Variants in SUMO2 observed in about 807,000 individuals in gnomAD.
The protein encoded by SUMO2 is small ubiquitin-related modifier 2.
A neutral mutation model predicts 16.0 loss-of-function variants in SUMO2; 1 was observed. The ratio of observed to expected loss-of-function variants is 0.06; its 90% CI spans 0.02 to 0.30. The LOEUF is 0.30. Among genes scored for constraint, SUMO2 ranks in the 10% least tolerant of loss-of-function variants. The pLI is 1.00. For synonymous variants in SUMO2, 36 were observed against 40.6 expected, an observed-to-expected ratio of 0.89 and a Z score of 0.43; for missense variants, 16 against 117.5, an observed-to-expected ratio of 0.14 and a Z score of 3.99.
At chr17:75,181,942 C>T (rs1159391009) in intron 1 of SUMO2, among the ~76,000 whole-genome samples, 1 of 151,988 alleles carries the variant, frequency 6.6e-6, no homozygotes, top group Non-Finnish European at 1.5e-5. Flanking sequence ...AATTCTGTAG[C>T]CCTAAAACGC....
intron 1 of SUMO2, among the ~76,000 whole-genome samples, chr17:75,182,105 C>T (rs891080845): frequency 1.3e-5 from 2 of 152,174 alleles, no homozygotes; most frequent in African/African-American, 2.4e-5. Flanking sequence ...CAAAGTCTCT[C>T]TGCTCGTACC....
rs2074704976 is a variant in SUMO2, at chr17:75,167,929, G to C, written c.*410C>G. The C allele has an allele frequency of 6.3e-6, 1 of 159,440 alleles. No individual in the cohort carries two copies. Among genetic ancestry groups the C allele is most frequent in the South Asian group, 2.1e-4 (1 of 4,834 alleles). 9.9% of individuals were successfully genotyped at this position (159,440 alleles called of 1,614,324 possible). On this transcript the variant is annotated 3_prime_UTR_variant, in exon 4 of 4. Transcript: ENST00000420826. ...TGAAAAACATTAAAATTCTCCAATT[G>C]AACAAGGTATGCAAGGATTTTTATG... is the stretch of plus-strand genomic sequence containing the variant.
chr17:75,182,928 G>C lies in SUMO2; in HGVS notation c.-94C>G, dbSNP rs1037417160. 8.9e-7 allele frequency: 1 copy of C among 1,119,200 alleles called. No individual in the cohort carries two copies. Among genetic ancestry groups the C allele is most frequent in the Non-Finnish European group, 1.2e-6 (1 of 866,060 alleles). The allele number at this position is 1,119,200 out of a possible 1,614,324, so 69.3% of individuals were successfully genotyped here. A position where few individuals can be genotyped will look rare whatever the true frequency, so the allele number is the denominator to read the frequency against. On this transcript the variant is annotated 5_prime_UTR_variant, in exon 1 of 4. Transcript: ENST00000420826. ...ACAAGCAGCACCAGGAGCGGCAGAA[G>C]AAGGAGGCGGCAGCGGTGGACGAGG... is the stretch of plus-strand genomic sequence containing the variant.
rs531310995 is a variant in SUMO2, at chr17:75,175,677, G to C, written c.154-854C>G. Among the ~76,000 whole-genome samples, 16 of 152,086 alleles carry C rather than the reference G, an allele frequency of 1.1e-4. No homozygotes were observed. The South Asian group carries it at 3.3e-3, about 32-fold the overall frequency. ...AGACAGAGTTTTGCTATGTCGCCCA[G>C]GCTGGAGTGCAGTGGTGCGATCTTG... On this transcript the variant is annotated intron_variant, in intron 2 of 3. Transcript: ENST00000420826.
chr17:75,174,533 A>G (rs1296125078), intron 3 of SUMO2, among the ~76,000 whole-genome samples: 1 of 152,204 alleles, frequency 6.6e-6, no homozygotes, highest in African/African-American at 2.4e-5. Flanking sequence ...CTGTCCCTAA[A>G]AAAATAATTA....
chr17:75,177,693 A>G (rs1356363323), intron 2 of SUMO2, among the ~76,000 whole-genome samples: 1 of 151,578 alleles, frequency 6.6e-6, no homozygotes, highest in African/African-American at 2.4e-5. Flanking sequence ...AAAAAAAAAA[A>G]GAAAAGAAAA....
chr17:75,166,651 C>G lies in SUMO2; in HGVS notation c.*1688G>C, dbSNP rs2074695488. ...AAAATACAAGAATTAGCTGTGGTGG[C>G]ATGCACCTGCGGTTCTAGCTACTCA... is the stretch of plus-strand genomic sequence containing the variant. On this transcript the variant is annotated 3_prime_UTR_variant, in exon 4 of 4. Transcript: ENST00000420826. The G allele has an allele frequency of 6.6e-6, 1 of 152,180 alleles. No homozygotes were observed. The highest frequency in any genetic ancestry group is 2.4e-5 in the African/African-American group (1 of 41,418). The allele number at this position is 152,180 out of a possible 1,614,324, so 9.4% of individuals were successfully genotyped here.
intron 2 of SUMO2, among the ~76,000 whole-genome samples, chr17:75,178,690 A>G (rs917165755): frequency 6.6e-6 from 1 of 151,976 alleles, no homozygotes; most frequent in African/African-American, 2.4e-5. Context: ...CACCTCTGTC[A>G]CTGAAATAGC....
chr17:75,178,843 G>T (rs2074804812), intron 2 of SUMO2, among the ~76,000 whole-genome samples: 1 of 150,810 alleles, frequency 6.6e-6, no homozygotes, highest in African/African-American at 2.4e-5. Flanking sequence ...TAATCCCAGT[G>T]ACTTGGGAGG....
chr17:75,180,995 C>T (rs1039393026), intron 2 of SUMO2, 62 bp downstream of exon 2: 2 of 1,596,016 alleles, frequency 1.3e-6, no homozygotes, highest in Non-Finnish European at 1.7e-6. Context: ...TTTTTGTTCC[C>T]ATGAAAATAA....
At chr17:75,181,524 C>T (rs1439792784) in intron 1 of SUMO2, among the ~76,000 whole-genome samples, 2 of 152,032 alleles carry the variant, frequency 1.3e-5, no homozygotes, top group Non-Finnish European at 2.9e-5. Flanking sequence ...ACTTTACCCC[C>T]CAAAAAAGTT....
intron 2 of SUMO2, among the ~76,000 whole-genome samples, chr17:75,175,973 A>C (rs1248465394): frequency 2.0e-5 from 3 of 152,080 alleles, no homozygotes; most frequent in Non-Finnish European, 4.4e-5. Context: ...CTTTTCAGAC[A>C]CAGCTACTAT....
At chr17:75,174,666 C>A (rs2074767875) in intron 3 of SUMO2, 86 bp downstream of exon 3, 2 of 1,260,602 alleles carry the variant, frequency 1.6e-6, no homozygotes, top group Non-Finnish European at 2.3e-6. Flanking sequence ...AACTTATACT[C>A]CAGTGTCTAA....
intron 3 of SUMO2, among the ~76,000 whole-genome samples, chr17:75,173,492 T>TGA (rs56335300): frequency 3.3e-5 from 5 of 151,728 alleles, no homozygotes; most frequent in Non-Finnish European, 7.4e-5. Context: ...TTTTTTTTTT[T>TGA]GAGAGAGGGC....
chr17:75,168,076 T>C lies in SUMO2; in HGVS notation c.*263A>G. 1 of 318,732 alleles carries C rather than the reference T, an allele frequency of 3.1e-6. No homozygotes were observed. Among genetic ancestry groups the C allele is most frequent in the East Asian group, 5.1e-5 (1 of 19,438 alleles). 19.7% of individuals were successfully genotyped at this position (318,732 alleles called of 1,614,324 possible). ...GGGTATTTTCACAGAATCAGTATTT[T>C]TCCCCATCCCGTCTCCACTTGATGT... is the stretch of plus-strand genomic sequence containing the variant. On this transcript the variant is annotated 3_prime_UTR_variant, in exon 4 of 4. Transcript: ENST00000420826.
At chr17:75,171,637 T>C (rs1207048966) in intron 3 of SUMO2, among the ~76,000 whole-genome samples, 1 of 152,122 alleles carries the variant, frequency 6.6e-6, no homozygotes, top group East Asian at 1.9e-4. Flanking sequence ...AATTCCAAAT[T>C]CTTCAAAATG....
chr17:75,170,239 C>T (rs2074726555), intron 3 of SUMO2, among the ~76,000 whole-genome samples: 1 of 152,178 alleles, frequency 6.6e-6, no homozygotes, highest in African/African-American at 2.4e-5. Context: ...AAGAATCTCG[C>T]TGCACTGCTT....
At chr17:75,174,934 C>T (rs2074770277) in intron 2 of SUMO2, 111 bp from the exon 3 acceptor site, 1 of 901,922 alleles carries the variant, frequency 1.1e-6, no homozygotes, top group Non-Finnish European at 1.7e-6. Flanking sequence ...CCTAAATAAA[C>T]AATTGCCAAC....
intron 2 of SUMO2, 135 bp from the exon 3 acceptor site, chr17:75,174,958 C>G: frequency 1.3e-6 from 1 of 744,862 alleles, no homozygotes; most frequent in East Asian, 2.7e-5. Context: ...TTAACATACC[C>G]TATAGGTAAA....
Sources: gnomAD v4.1 joint callset for allele counts (sites outside exome capture counted in the v4.1 genomes callset) on GRCh38, gnomAD v4.1.1 for gene constraint, MANE v1.5 for transcripts, NCBI Gene and HGNC (gene_info 2026-07-23, HGNC 2026-07-21) for gene names.